Variants in PPFIBP2 observed in about 807,000 individuals in gnomAD.
The protein encoded by PPFIBP2 is liprin-beta-2.
A neutral mutation model predicts 118.3 loss-of-function variants in PPFIBP2; 118 were observed. The observed-to-expected ratio is 1.00, with a 90% confidence interval of 0.86 to 1.16. The LOEUF is 1.16. Ranked by LOEUF, PPFIBP2 falls within the 50% of genes most tolerant of loss-of-function variation. The pLI is 0.00. For synonymous variants in PPFIBP2, 414 were observed against 397.4 expected, an observed-to-expected ratio of 1.04 and a Z score of -0.50; for missense variants, 1,195 against 1,073.1, an observed-to-expected ratio of 1.11 and a Z score of -1.59.
chr11:7,648,401 C>T lies in PPFIBP2; in HGVS notation c.1661C>T (p.Pro554Leu), dbSNP rs755861781. Residue 554 changes from proline (P) to leucine (L), a missense_variant, in exon 18 of 24, where the codon CCC (proline) becomes CTC (leucine). By Grantham distance (98) the Pro-to-Leu change is moderately conservative. Coordinates refer to ENST00000299492, the MANE Select transcript of PPFIBP2 (RefSeq NM_003621.5). ...CTGCTTCCCAGTGACGCCAATGCCC[C>T]CTTTGCCCAGTGGAGCACAGAGCGT... Reference protein sequence around the residue: ...SKGQKSDANAPFAQWSTERVC... With the variant: ...SKGQKSDANALFAQWSTERVC... 7 of 1,613,360 alleles carry T rather than the reference C, an allele frequency of 4.3e-6. No homozygotes were observed. The highest frequency in any genetic ancestry group is 3.3e-5 in the South Asian group (3 of 91,024).
chr11:7,665,935 G>C, the PPFIBP2 span: 1 of 1,535,846 alleles, frequency 6.5e-7, no homozygotes, highest in Non-Finnish European at 8.7e-7. Context: ...CTGCCGACCA[G>C]GGACCTGTAT....
intron 1 of PPFIBP2, among the ~76,000 whole-genome samples, chr11:7,547,843 C>A (rs1231450218): frequency 6.6e-6 from 1 of 152,126 alleles, no homozygotes; most frequent in African/African-American, 2.4e-5. Flanking sequence ...ACCTGTAAAT[C>A]CCTGCCCTCT....
At position 7,620,961 on chromosome 11, in the gene PPFIBP2, C is replaced by G; in HGVS notation, c.645C>G (p.Leu215=). The G allele has an allele frequency of 6.2e-7, 1 of 1,612,898 alleles. No homozygotes were observed. The highest frequency in any genetic ancestry group is 8.5e-7 in the Non-Finnish European group (1 of 1,178,950). Residue 215 remains leucine, a synonymous_variant, in exon 7 of 24, where the codon CTC becomes CTG. Transcript: ENST00000299492. ...AGTTACTGCAAGAGCTCAGGCACCT[C>G]AAAATCAAAGTGGAAGAGTTGGAAA... The part of the protein sequence containing the change: ...AEELLQELRH[L]KIKVEELENE...
chr11:7,608,533 G>A (rs934022454), intron 5 of PPFIBP2, among the ~76,000 whole-genome samples: 2 of 152,166 alleles, frequency 1.3e-5, no homozygotes, highest in East Asian at 1.9e-4. Context: ...CCGGCTACTC[G>A]GGAGGCTGAG....
At chr11:7,567,472 A>T (rs1855132939) in intron 3 of PPFIBP2, among the ~76,000 whole-genome samples, 1 of 152,244 alleles carries the variant, frequency 6.6e-6, no homozygotes, top group African/African-American at 2.4e-5. Flanking sequence ...TTTCCCTAAA[A>T]GTGATTGCAT....
At chr11:7,597,244 A>G in intron 4 of PPFIBP2, 1 of 1,530,506 alleles carries the variant, frequency 6.5e-7, no homozygotes, top group African/African-American at 1.4e-5. Context: ...CTGTTCTGGA[A>G]GAGGAATAAG....
intron 6 of PPFIBP2, among the ~76,000 whole-genome samples, chr11:7,612,129 A>G (rs1848140549): frequency 6.6e-6 from 1 of 152,210 alleles, no homozygotes; most frequent in African/African-American, 2.4e-5. Context: ...AGAATACAAT[A>G]TGACTAGATC....
At chr11:7,520,779 C>T (rs1405652913) in intron 1 of PPFIBP2, among the ~76,000 whole-genome samples, 1 of 152,170 alleles carries the variant, frequency 6.6e-6, no homozygotes, top group Non-Finnish European at 1.5e-5. Context: ...AGAGGAGCTC[C>T]ACCTCCCTTG....
intron 1 of PPFIBP2, among the ~76,000 whole-genome samples, chr11:7,534,890 C>T (rs1463781316): frequency 6.6e-6 from 1 of 152,240 alleles, no homozygotes; most frequent in African/African-American, 2.4e-5. Flanking sequence ...TGAATTACAG[C>T]ATCATCCGCA....
In PPFIBP2 at chr11:7,653,638, G is replaced by C. The variant is rs1191033162; in HGVS notation, c.*420G>C. 7.7e-7 allele frequency: 1 copy of C among 1,293,954 alleles called. No homozygotes were observed. Among genetic ancestry groups the C allele is most frequent in the Non-Finnish European group, 1.0e-6 (1 of 992,078 alleles). The allele number at this position is 1,293,954 out of a possible 1,614,324, so 80.2% of individuals were successfully genotyped here. Reference sequence around the variant, plus strand: ...CTTAGGCCCGTGGACCACAGTCTTGGCTGAGATCAAAGGGATGAGCAACAG... The same window carrying C: ...CTTAGGCCCGTGGACCACAGTCTTGCCTGAGATCAAAGGGATGAGCAACAG... On this transcript the variant is annotated 3_prime_UTR_variant, in exon 24 of 24. Transcript: ENST00000299492.
At chr11:7,636,175 T>A (rs751714647) in intron 14 of PPFIBP2, among the ~76,000 whole-genome samples, 4 of 152,170 alleles carry the variant, frequency 2.6e-5, no homozygotes. Context: ...GGAAAATGTA[T>A]TGTGAGGCTG....
chr11:7,651,629 C>A (rs972932457), intron 22 of PPFIBP2, 27 bp from the exon 23 acceptor site: 35 of 1,576,858 alleles, frequency 2.2e-5, no homozygotes, highest in Non-Finnish European at 2.9e-5. Context: ...TTGCTCCTGG[C>A]CAGGCTTGTC....
At chr11:7,634,289 C>T (rs1219563856) in intron 12 of PPFIBP2, among the ~76,000 whole-genome samples, 1 of 152,224 alleles carries the variant, frequency 6.6e-6, no homozygotes, top group Non-Finnish European at 1.5e-5. Flanking sequence ...CTGTCATGCC[C>T]TTACTAACAC....
intron 3 of PPFIBP2, among the ~76,000 whole-genome samples, chr11:7,581,839 A>G (rs2135034825): frequency 6.6e-6 from 1 of 150,952 alleles, no homozygotes; most frequent in Middle Eastern, 3.4e-3. Flanking sequence ...ATAGATAGAT[A>G]GATTTTTTTT....
chr11:7,663,434 G>C, the PPFIBP2 span, among the ~76,000 whole-genome samples: 285 of 152,108 alleles, frequency 1.9e-3, 1 homozygote, highest in African/African-American at 6.6e-3. Context: ...GCCCCTGCTG[G>C]GGGGTGCCTC....
intron 20 of PPFIBP2, 109 bp from the exon 21 acceptor site, chr11:7,649,423 A>C (rs1451540575): frequency 6.9e-7 from 1 of 1,454,052 alleles, no homozygotes; most frequent in African/African-American, 1.4e-5. Flanking sequence ...CTCCACGTGC[A>C]CCTTCCTGAG....
intron 14 of PPFIBP2, 28 bp downstream of exon 14, chr11:7,635,621 ATTTGTGGTTACACTG>A: frequency 6.3e-7 from 1 of 1,583,724 alleles, no homozygotes; most frequent in Non-Finnish European, 8.7e-7. Flanking sequence ...CCCGTCGTCT[ATTTGTGGTTACACTG>A]TTTGCTAGTA....
intron 3 of PPFIBP2, among the ~76,000 whole-genome samples, chr11:7,567,033 T>C (rs886472216): frequency 5.3e-5 from 8 of 152,226 alleles, no homozygotes; most frequent in African/African-American, 1.9e-4. Context: ...AGCATATATT[T>C]TCCTCACTCT....
chr11:7,546,311 T>G (rs1852325901), intron 1 of PPFIBP2, among the ~76,000 whole-genome samples: 1 of 152,214 alleles, frequency 6.6e-6, no homozygotes, highest in Non-Finnish European at 1.5e-5. Context: ...GAAAATAGGC[T>G]GGCAAAAAGA....
Sources: gnomAD v4.1 joint callset for allele counts (sites outside exome capture counted in the v4.1 genomes callset) on GRCh38, gnomAD v4.1.1 for gene constraint, MANE v1.5 for transcripts, NCBI Gene and HGNC (gene_info 2026-07-23, HGNC 2026-07-21) for gene names.